Variants in RAD51B observed in about 807,000 individuals in gnomAD.
RAD51B encodes DNA repair protein RAD51 homolog 2.
In RAD51B, 38 loss-of-function variants were observed where a neutral mutation model predicts 42.2. The ratio of observed to expected loss-of-function variants is 0.90; its 90% CI spans 0.70 to 1.18. The LOEUF (loss-of-function observed/expected upper bound fraction) is 1.18, where lower values mean the gene tolerates loss of function less well. RAD51B is among the 50% of genes most tolerant of loss of function. The pLI is 0.00. For missense variants in RAD51B, 373 were observed against 400.7 expected, an observed-to-expected ratio of 0.93 and a Z score of 0.59; for synonymous variants, 154 against 145.2, an observed-to-expected ratio of 1.06 and a Z score of -0.43.
intron 10 of RAD51B, among the ~76,000 whole-genome samples, chr14:68,578,414 A>G (rs1424251120): frequency 2.0e-5 from 3 of 152,204 alleles, no homozygotes; most frequent in African/African-American, 7.2e-5. Flanking sequence ...TCCATCTCAA[A>G]AAAACAAAAA....
intron 7 of RAD51B, among the ~76,000 whole-genome samples, chr14:68,134,765 A>G (rs970954757): frequency 6.1e-5 from 9 of 148,296 alleles, no homozygotes; most frequent in Non-Finnish European, 8.8e-5. Context: ...CTAATTTTCT[A>G]ATTGGGTTAT....
chr14:68,315,811 T>C (rs191650413), intron 8 of RAD51B, among the ~76,000 whole-genome samples: 50 of 152,320 alleles, frequency 3.3e-4, no homozygotes, highest in Non-Finnish European at 6.3e-4. Flanking sequence ...CGTGAACCAC[T>C]GCACCCAGCC....
Position 68,356,852 on chromosome 14 carries a change from G to A in RAD51B, c.854-54572G>A, listed in dbSNP as rs191898626. Among the ~76,000 whole-genome samples the A allele has an allele frequency of 1.2e-3, 186 of 151,862 alleles. 2 individuals carry two copies. The East Asian group carries it at 0.031, about 25-fold the overall frequency. On this transcript the variant is annotated intron_variant, in intron 8 of 10. Transcript: ENST00000471583. The stretch of plus-strand genomic sequence containing the variant: ...AAAAAAATTAGCCGGGCGCGGTGGC[G>A]GGCGCCTGTAGTCCCAGCTACTTGG...
At chr14:68,208,806 G>A (rs1459346778) in intron 7 of RAD51B, among the ~76,000 whole-genome samples, 1 of 152,134 alleles carries the variant, frequency 6.6e-6, no homozygotes, top group African/African-American at 2.4e-5. Context: ...AAAACTCATT[G>A]GGGTTATATA....
chr14:67,931,359 T>A (rs1005858123), intron 7 of RAD51B, among the ~76,000 whole-genome samples: 3 of 152,166 alleles, frequency 2.0e-5, no homozygotes, highest in African/African-American at 7.2e-5. Flanking sequence ...GGTTTGTTTC[T>A]TTTTTATTCT....
At chr14:68,683,059 A>G (rs1366761376) in intron 11 of RAD51B, 1 of 679,046 alleles carries the variant, frequency 1.5e-6, no homozygotes. Context: ...TATGCCTGTT[A>G]TTTTTTTCTG....
intron 7 of RAD51B, among the ~76,000 whole-genome samples, chr14:68,089,543 A>G (rs1179015733): frequency 6.6e-6 from 1 of 152,132 alleles, no homozygotes; most frequent in Non-Finnish European, 1.5e-5. Context: ...TCAATACCCT[A>G]CTATAAAAAT....
chr14:68,072,273 TTTA>T (rs1363775644), intron 7 of RAD51B, among the ~76,000 whole-genome samples: 101 of 146,248 alleles, frequency 6.9e-4, no homozygotes, highest in African/African-American at 2.5e-3. Flanking sequence ...TATATAGGAG[TTTA>T]TTAAGCATTA....
intron 7 of RAD51B, among the ~76,000 whole-genome samples, chr14:68,210,004 G>C (rs1162824011): frequency 6.7e-6 from 1 of 149,724 alleles, no homozygotes; most frequent in Non-Finnish European, 1.5e-5. Flanking sequence ...CTGTCACCCA[G>C]GCTGGAGTGC....
chr14:67,843,036 TATTA>T (rs2041483355), intron 4 of RAD51B, among the ~76,000 whole-genome samples: 1 of 152,158 alleles, frequency 6.6e-6, no homozygotes, highest in South Asian at 2.1e-4. Flanking sequence ...AATCATGATG[TATTA>T]ACTTTTTGAT....
chr14:68,182,940 C>T (rs927542930), intron 7 of RAD51B, among the ~76,000 whole-genome samples: 1 of 152,130 alleles, frequency 6.6e-6, no homozygotes, highest in African/African-American at 2.4e-5. Context: ...ACCTGTATTC[C>T]TTTTCTTTCC....
chr14:67,902,574 A>C (rs899596309), intron 7 of RAD51B, among the ~76,000 whole-genome samples: 1 of 152,208 alleles, frequency 6.6e-6, no homozygotes, highest in Non-Finnish European at 1.5e-5. Flanking sequence ...CTTTTATATT[A>C]TTATTTAAAG....
chr14:68,430,048 A>C (rs777336559), intron 9 of RAD51B, among the ~76,000 whole-genome samples: 129 of 152,370 alleles, frequency 8.5e-4, no homozygotes, highest in Non-Finnish European at 1.6e-3. Context: ...GTCAAAGATC[A>C]GATGGTTGTA....
intron 8 of RAD51B, among the ~76,000 whole-genome samples, chr14:68,330,713 G>C (rs1368427319): frequency 6.6e-6 from 1 of 151,954 alleles, no homozygotes; most frequent in African/African-American, 2.4e-5. Flanking sequence ...AAAAACAAAG[G>C]AATACTAGCA....
chr14:67,844,846 G>A (rs866573772), intron 4 of RAD51B, among the ~76,000 whole-genome samples: 8 of 151,994 alleles, frequency 5.3e-5, no homozygotes, highest in African/African-American at 1.9e-4. Flanking sequence ...TTGTAGGGAC[G>A]TGGATGAAGC....
intron 9 of RAD51B, among the ~76,000 whole-genome samples, chr14:68,427,791 A>G (rs1455309774): frequency 4.6e-5 from 7 of 152,200 alleles, no homozygotes; most frequent in Non-Finnish European, 8.8e-5. Flanking sequence ...GGAATAATGT[A>G]TTTATATGTG....
intron 7 of RAD51B, among the ~76,000 whole-genome samples, chr14:67,935,229 A>G (rs2044893503): frequency 6.6e-6 from 1 of 152,012 alleles, no homozygotes; most frequent in Admixed American, 6.6e-5. Context: ...ATCCTTTAAG[A>G]TTTTTTTTAC....
intron 7 of RAD51B, among the ~76,000 whole-genome samples, chr14:68,166,891 A>G (rs1380187372): frequency 3.3e-5 from 5 of 151,892 alleles, no homozygotes; most frequent in African/African-American, 7.3e-5. Context: ...CCCTCACCCC[A>G]TTTCCTCAAC....
intron 7 of RAD51B, among the ~76,000 whole-genome samples, chr14:68,149,320 T>C (rs2078324253): frequency 6.6e-6 from 1 of 152,198 alleles, no homozygotes; most frequent in South Asian, 2.1e-4. Flanking sequence ...GTCTGGAATT[T>C]TTATAGTTTG....
Sources: gnomAD v4.1 joint callset for allele counts (sites outside exome capture counted in the v4.1 genomes callset) on GRCh38, gnomAD v4.1.1 for gene constraint, MANE v1.5 for transcripts, NCBI Gene and HGNC (gene_info 2026-07-23, HGNC 2026-07-21) for gene names.